AGBL4: variants seen among roughly 807,000 people sequenced by gnomAD.
AGBL4 encodes cytosolic carboxypeptidase 6.
A neutral mutation model predicts 66.4 loss-of-function variants in AGBL4; 58 were observed. That is an observed-to-expected ratio of 0.87 (90% CI 0.71 to 1.09). The LOEUF (loss-of-function observed/expected upper bound fraction) is 1.09, where lower values mean the gene tolerates loss of function less well. AGBL4 is among the 50% of genes least tolerant of loss of function. The pLI, the probability that AGBL4 is intolerant of heterozygous loss-of-function variation, is 0.00. For missense variants in AGBL4, 579 were observed against 631.0 expected (o/e 0.92, Z 0.88); for synonymous variants, 234 against 222.9 (o/e 1.05, Z -0.44).
intron 6 of AGBL4, among the ~76,000 whole-genome samples, chr1:48,694,014 C>A (rs181435425): frequency 1.3e-5 from 2 of 148,598 alleles, no homozygotes; most frequent in Admixed American, 1.4e-4. Flanking sequence ...GCCTTTGTAC[C>A]TGCTCTGTCC....
intron 2 of AGBL4, among the ~76,000 whole-genome samples, chr1:49,783,464 A>C (rs772412650): frequency 2.0e-5 from 3 of 152,150 alleles, no homozygotes; most frequent in Non-Finnish European, 4.4e-5. Flanking sequence ...GTCAAAATCA[A>C]ACCCCCTCAA....
intron 2 of AGBL4, among the ~76,000 whole-genome samples, chr1:49,754,026 G>A (rs1450029954): frequency 6.6e-6 from 1 of 152,114 alleles, no homozygotes; most frequent in East Asian, 1.9e-4. Context: ...TGCTCCTTTA[G>A]CTCAGAGGAT....
At chr1:49,397,762 C>T (rs935511239) in intron 3 of AGBL4, among the ~76,000 whole-genome samples, 1 of 152,262 alleles carries the variant, frequency 6.6e-6, no homozygotes, top group East Asian at 1.9e-4. Context: ...TTTTCTCTAG[C>T]CAGCACACTA....
intron 4 of AGBL4, among the ~76,000 whole-genome samples, chr1:49,119,424 C>T (rs2148040221): frequency 1.3e-5 from 2 of 152,266 alleles, no homozygotes; most frequent in South Asian, 2.1e-4. Flanking sequence ...TTTCAAAGAA[C>T]ATCTTTATTT....
chr1:48,712,153 C>T lies in AGBL4; in HGVS notation c.635-48912G>A, dbSNP rs185964554. ...CTCCCCCCAGGAAGGGGCCCATTCC[C>T]TTTCCTGAGGCTCTGAAGCAAGCTT... On this transcript the variant is annotated intron_variant, in intron 6 of 13. Transcript: ENST00000371839. 5.2e-3 allele frequency among the ~76,000 whole-genome samples: 792 copies of T among 152,318 alleles called. 7 individuals are homozygous for T. The highest frequency in any genetic ancestry group is 0.016 in the African/African-American group (669 of 41,562).
chr1:49,283,703 C>T (rs1644335904), intron 3 of AGBL4, among the ~76,000 whole-genome samples: 1 of 150,200 alleles, frequency 6.7e-6, no homozygotes, highest in Admixed American at 6.6e-5. Flanking sequence ...AACCAAGGCT[C>T]AAGAACTACG....
At chr1:48,866,996 A>G (rs1478494308) in intron 6 of AGBL4, among the ~76,000 whole-genome samples, 195 bp downstream of exon 6, 1 of 152,184 alleles carries the variant, frequency 6.6e-6, no homozygotes, top group Admixed American at 6.5e-5. Context: ...AGGAGGCAGC[A>G]CAGGGCTGGC....
chr1:49,206,973 T>C (rs1460627737), intron 4 of AGBL4, among the ~76,000 whole-genome samples: 2 of 152,002 alleles, frequency 1.3e-5, no homozygotes. Flanking sequence ...ACCTATTTGA[T>C]GGATTGTTTT....
At chr1:49,088,069 G>C (rs189594348) in intron 4 of AGBL4, among the ~76,000 whole-genome samples, 2 of 152,258 alleles carry the variant, frequency 1.3e-5, no homozygotes, top group African/African-American at 4.8e-5. Flanking sequence ...TGCCTTACAA[G>C]AGGTCCTTAA....
intron 3 of AGBL4, among the ~76,000 whole-genome samples, chr1:49,409,149 G>GCGCTCTCTCT (rs1553197343): frequency 6.9e-6 from 1 of 145,976 alleles, no homozygotes; most frequent in Non-Finnish European, 1.5e-5. Flanking sequence ...ACTCTCTCTG[G>GCGCTCTCTCT]CTCTCTCTCT....
At chr1:50,021,254 A>G (rs1009695134) in intron 1 of AGBL4, among the ~76,000 whole-genome samples, 18 of 152,170 alleles carry the variant, frequency 1.2e-4, no homozygotes, top group African/African-American at 3.9e-4. Flanking sequence ...AGGCATTGAA[A>G]TATTGCAGCT....
chr1:49,878,794 T>G (rs1647113944), intron 1 of AGBL4, among the ~76,000 whole-genome samples: 2 of 142,454 alleles, frequency 1.4e-5, no homozygotes, highest in South Asian at 4.9e-4. Context: ...TGTGGGAGTC[T>G]AAGTCTCTTT....
chr1:49,451,747 T>C (rs1255022925), intron 3 of AGBL4, among the ~76,000 whole-genome samples: 1 of 151,982 alleles, frequency 6.6e-6, no homozygotes, highest in East Asian at 1.9e-4. Flanking sequence ...AGACTGAGTG[T>C]GATTTGCTAC....
intron 3 of AGBL4, among the ~76,000 whole-genome samples, chr1:49,285,697 C>T (rs1423030485): frequency 6.6e-6 from 1 of 152,072 alleles, no homozygotes. Flanking sequence ...ATATCACCAC[C>T]AATCCCACAG....
At chr1:49,200,060 A>T (rs1647565278) in intron 4 of AGBL4, among the ~76,000 whole-genome samples, 1 of 152,168 alleles carries the variant, frequency 6.6e-6, no homozygotes, top group Admixed American at 6.5e-5. Flanking sequence ...TCATTTCTGC[A>T]GTTCCTGTGT....
intron 3 of AGBL4, among the ~76,000 whole-genome samples, chr1:49,364,767 C>G (rs116473889): frequency 1.3e-5 from 2 of 152,168 alleles, no homozygotes; most frequent in South Asian, 4.1e-4. Context: ...CGTGAGCCAC[C>G]GTGCCGGGCC....
At chr1:49,911,174 G>A (rs1650787244) in intron 1 of AGBL4, among the ~76,000 whole-genome samples, 2 of 152,200 alleles carry the variant, frequency 1.3e-5, no homozygotes, top group Non-Finnish European at 2.9e-5. Flanking sequence ...GATGGAATGT[G>A]GGAGTGGGGT....
intron 2 of AGBL4, among the ~76,000 whole-genome samples, chr1:49,725,814 A>C (rs1648986199): frequency 6.6e-6 from 1 of 151,560 alleles, no homozygotes; most frequent in East Asian, 1.9e-4. Flanking sequence ...AAAGAAAATC[A>C]TGTGACAAAG....
chr1:48,614,447 G>A (rs1645286845), intron 9 of AGBL4, among the ~76,000 whole-genome samples: 1 of 152,186 alleles, frequency 6.6e-6, no homozygotes, highest in Non-Finnish European at 1.5e-5. Context: ...AACTTGAATA[G>A]GACCCAGTAG....
Sources: gnomAD v4.1 joint callset for allele counts (sites outside exome capture counted in the v4.1 genomes callset) on GRCh38, gnomAD v4.1.1 for gene constraint, MANE v1.5 for transcripts, NCBI Gene and HGNC (gene_info 2026-07-23, HGNC 2026-07-21) for gene names.